The following GCNT2 variants were observed in gnomAD, a reference collection of about 807,000 sequenced individuals.
The protein encoded by GCNT2 is glucosaminyl (N-acetyl) transferase 2 (I blood group).
In GCNT2, 34 loss-of-function variants were observed where a neutral mutation model predicts 34.2. The ratio of observed to expected loss-of-function variants is 1.00; its 90% CI spans 0.76 to 1.32. GCNT2 has a LOEUF of 1.32. Among genes scored for constraint, GCNT2 ranks in the 40% most tolerant of loss-of-function variants. The pLI is 0.00. For missense variants in GCNT2, 584 were observed against 489.4 expected (o/e 1.19, Z -1.82); for synonymous variants, 212 against 188.0 (o/e 1.13, Z -1.04).
chr6:10,600,477 G>A (rs1016489257), intron 3 of GCNT2, among the ~76,000 whole-genome samples: 6 of 152,012 alleles, frequency 3.9e-5, no homozygotes, highest in African/African-American at 1.4e-4. Flanking sequence ...ATAGAGTCAC[G>A]CATCCACTAC....
Position 10,618,664 on chromosome 6 carries a change from A to G in GCNT2, c.926-2687A>G, listed in dbSNP as rs1246982102. ...GCCAGATTCTCTCTTTGCTTTCCAG[A>G]CTCTCCTTCTCCATCCCACAGCTTC... On this transcript the variant is annotated intron_variant, in intron 3 of 4. Transcript: ENST00000495262. 2.6e-5 allele frequency among the ~76,000 whole-genome samples: 4 copies of G among 151,994 alleles called. No individual in the cohort carries two copies. In the South Asian group the frequency reaches 6.2e-4, roughly 24 times the overall value.
At chr6:10,593,058 C>A (rs879367373) in intron 3 of GCNT2, among the ~76,000 whole-genome samples, 3 of 152,138 alleles carry the variant, frequency 2.0e-5, no homozygotes, top group Non-Finnish European at 4.4e-5. Context: ...GCTGTTAATT[C>A]CTAATCTCTA....
At chr6:10,534,511 CA>C (rs1321317096) in intron 3 of GCNT2, among the ~76,000 whole-genome samples, 2 of 152,096 alleles carry the variant, frequency 1.3e-5, no homozygotes, top group Non-Finnish European at 2.9e-5. Context: ...TTGGGTCATG[CA>C]GCCATTGTAT....
intron 3 of GCNT2, among the ~76,000 whole-genome samples, chr6:10,565,521 C>T (rs531256917): frequency 1.3e-5 from 2 of 152,324 alleles, no homozygotes; most frequent in Admixed American, 6.5e-5. Flanking sequence ...TCCCCGCAAC[C>T]TTGGCATTGT....
At chr6:10,609,292 A>G (rs78735522) in intron 3 of GCNT2, among the ~76,000 whole-genome samples, 2,305 of 152,310 alleles carry the variant, frequency 0.015, 61 homozygotes, top group African/African-American at 0.051. Flanking sequence ...GCATCATCTC[A>G]TGGCATAAAG....
chr6:10,548,346 C>CAG (rs1762351798), intron 3 of GCNT2, among the ~76,000 whole-genome samples: 2 of 152,224 alleles, frequency 1.3e-5, no homozygotes, highest in African/African-American at 2.4e-5. Context: ...CTGGGCCTCC[C>CAG]AGAAAGGGCA....
intron 3 of GCNT2, among the ~76,000 whole-genome samples, chr6:10,550,359 A>G (rs1335134229): frequency 6.6e-6 from 1 of 151,438 alleles, no homozygotes; most frequent in African/African-American, 2.4e-5. Flanking sequence ...TTCTTACAAT[A>G]TATTAATTAT....
chr6:10,615,970 G>A (rs978075647), intron 3 of GCNT2, among the ~76,000 whole-genome samples: 2 of 152,300 alleles, frequency 1.3e-5, no homozygotes, highest in Non-Finnish European at 2.9e-5. Flanking sequence ...GCTGACTCCT[G>A]TCTCATCCTG....
intron 3 of GCNT2, among the ~76,000 whole-genome samples, chr6:10,582,139 G>A (rs1284295362): frequency 4.5e-5 from 6 of 132,244 alleles, no homozygotes; most frequent in Non-Finnish European, 1.5e-5. Flanking sequence ...ATGCATATAT[G>A]ATATATTCAT....
Position 10,528,977 on chromosome 6 carries a change from T to G in GCNT2, c.66T>G (p.Phe22Leu). 2.5e-6 allele frequency: 4 copies of G among 1,614,050 alleles called. No homozygotes were observed. The highest frequency in any genetic ancestry group is 3.4e-6 in the Non-Finnish European group (4 of 1,179,884). The change falls in exon 3 of 5, where the codon TTT becomes TTG. Residue 22 changes from phenylalanine to leucine, a missense_variant. Physicochemically the swap from Phe to Leu is conservative, Grantham distance 22. Coordinates refer to ENST00000495262, the MANE Select transcript of GCNT2 (RefSeq NM_145649.5). ...ASLISALIFV[F>L]VYNTELWENK... The stretch of plus-strand genomic sequence containing the variant: ...TTATCTCTGCCCTGATTTTTGTATT[T>G]GTTTACAATACTGAGTTATGGGAGA...
At chr6:10,575,896 A>G (rs1763786926) in intron 3 of GCNT2, among the ~76,000 whole-genome samples, 1 of 151,472 alleles carries the variant, frequency 6.6e-6, no homozygotes, top group Non-Finnish European at 1.5e-5. Flanking sequence ...CTTTGACTGT[A>G]ATTTTCCTTT....
intron 3 of GCNT2, among the ~76,000 whole-genome samples, chr6:10,549,260 G>A (rs570377788): frequency 6.6e-6 from 1 of 152,264 alleles, no homozygotes; most frequent in Non-Finnish European, 1.5e-5. Context: ...TATAGTAACT[G>A]TTGGTGGGCA....
chr6:10,555,455 C>CT (rs999067606), intron 3 of GCNT2, among the ~76,000 whole-genome samples: 10 of 152,266 alleles, frequency 6.6e-5, no homozygotes, highest in African/African-American at 2.4e-4. Flanking sequence ...ATGCCGTTCT[C>CT]TGGGGGGGTT....
chr6:10,593,450 G>A (rs1284403780), intron 3 of GCNT2, among the ~76,000 whole-genome samples: 1 of 152,132 alleles, frequency 6.6e-6, no homozygotes, highest in Non-Finnish European at 1.5e-5. Context: ...TAATCCTCCT[G>A]CCTCAGGCTG....
chr6:10,538,437 A>AATATATATATAT lies in GCNT2; in HGVS notation c.925+8610_925+8621dup, dbSNP rs1554127248. 1.1e-3 allele frequency among the ~76,000 whole-genome samples: 83 copies of AATATATATATAT among 73,332 alleles called. 1 individual carries two copies. The highest frequency in any genetic ancestry group is 9.2e-3 in the African/African-American group (77 of 8,380). The allele number at this position is 73,332 out of a possible 152,430, so 48.1% of individuals were successfully genotyped here. On this transcript the variant is annotated intron_variant, in intron 3 of 4. Coordinates refer to ENST00000495262, the MANE Select transcript of GCNT2 (RefSeq NM_145649.5). ...AAAAAAAAAAAAAAAAAAAAAAAAA[A>AATATATATATAT]ATATATATATATATATATATGTTGA... is the stretch of plus-strand genomic sequence containing the variant.
intron 3 of GCNT2, among the ~76,000 whole-genome samples, chr6:10,568,776 G>A (rs1182875814): frequency 1.3e-5 from 2 of 152,118 alleles, no homozygotes; most frequent in Admixed American, 6.6e-5. Flanking sequence ...TACCATGCCT[G>A]TAATCCTGCC....
At chr6:10,567,259 A>T (rs1435424630) in intron 3 of GCNT2, among the ~76,000 whole-genome samples, 1 of 152,170 alleles carries the variant, frequency 6.6e-6, no homozygotes, top group Non-Finnish European at 1.5e-5. Context: ...CAGGAGTTGG[A>T]GACCAGCCTG....
intron 3 of GCNT2, among the ~76,000 whole-genome samples, chr6:10,568,002 T>A: frequency 6.6e-6 from 1 of 152,244 alleles, no homozygotes. Context: ...TAGCTATCGG[T>A]GGAATTTTGG....
chr6:10,560,455 A>G (rs955336539), intron 3 of GCNT2, among the ~76,000 whole-genome samples: 2 of 152,176 alleles, frequency 1.3e-5, no homozygotes, highest in Non-Finnish European at 2.9e-5. Flanking sequence ...CAGGGTAAAC[A>G]TCTTTTTGCA....
Sources: allele counts gnomAD v4.1 joint callset (sites outside exome capture counted in the v4.1 genomes callset), GRCh38; gene constraint gnomAD v4.1.1; transcripts MANE v1.5; gene names NCBI Gene and HGNC (gene_info 2026-07-23, HGNC 2026-07-21).